Variants in ASB15 observed in about 807,000 individuals in gnomAD.
ASB15 encodes the protein ankyrin repeat and SOCS box containing 15.
A neutral mutation model predicts 58.0 loss-of-function variants in ASB15; 54 were observed. The observed-to-expected ratio is 0.93, with a 90% confidence interval of 0.75 to 1.17. The LOEUF is 1.17. Ranked by LOEUF, ASB15 falls within the 50% of genes most tolerant of loss-of-function variation. The pLI, the probability that ASB15 is intolerant of heterozygous loss-of-function variation, is 0.00. For synonymous variants in ASB15, 249 were observed against 262.4 expected (o/e 0.95, Z 0.50); for missense variants, 680 against 707.4 (o/e 0.96, Z 0.44).
intron 1 of ASB15, among the ~76,000 whole-genome samples, chr7:123,572,289 G>A (rs1354796846): frequency 6.6e-6 from 1 of 151,168 alleles, no homozygotes; most frequent in African/African-American, 2.4e-5. Flanking sequence ...CTGTAGGCAC[G>A]CGCCACCATG....
rs1255599182 is a variant in ASB15 at position 123,636,944 on chromosome 7, A to G, written c.1730A>G (p.Glu577Gly). ...PAIQRYILFK[E>G]YDLYGQELKL... ...ATTCAAAGATACATATTATTTAAAGAGTATGATCTCTATGGACAAGAGCTA... is the reference window on the plus strand; with the variant it reads ...ATTCAAAGATACATATTATTTAAAGGGTATGATCTCTATGGACAAGAGCTA... Residue 577 changes from glutamate (E) to glycine (G), a missense_variant, in exon 12 of 12, where the codon GAG (glutamate) becomes GGG (glycine). Coordinates refer to ENST00000451215, the MANE Select transcript of ASB15 (RefSeq NM_001290258.2). 2 of 1,578,732 alleles carry G rather than the reference A, an allele frequency of 1.3e-6. No homozygotes were observed. The highest frequency in any genetic ancestry group is 1.7e-5 in the Admixed American group (1 of 59,556).
intron 11 of ASB15, among the ~76,000 whole-genome samples, chr7:123,631,968 C>G (rs1802142206): frequency 6.6e-6 from 1 of 151,868 alleles, no homozygotes; most frequent in South Asian, 2.1e-4. Flanking sequence ...ATCCCAGCTA[C>G]TCAGGAGGCT....
chr7:123,585,947 A>G (rs904979674), intron 1 of ASB15, among the ~76,000 whole-genome samples: 1 of 151,756 alleles, frequency 6.6e-6, no homozygotes, highest in Admixed American at 6.6e-5. Flanking sequence ...CATGATAAAT[A>G]TATATTACAT....
intron 8 of ASB15, among the ~76,000 whole-genome samples, chr7:123,625,266 A>G (rs1042420739): frequency 6.6e-6 from 1 of 152,122 alleles, no homozygotes; most frequent in African/African-American, 2.4e-5. Flanking sequence ...TCTCATTGCA[A>G]TCCATCTGCC....
Position 123,637,099 on chromosome 7 carries a change from A to G in ASB15, c.*118A>G. On this transcript the variant is annotated 3_prime_UTR_variant, in exon 12 of 12. Coordinates refer to ENST00000451215, the MANE Select transcript of ASB15 (RefSeq NM_001290258.2). Reference sequence around the variant, plus strand: ...TGTATTTAAATTCATTGACAGTTTTATAGGTTATCATGTGTTCTTATGGGA... The same window carrying G: ...TGTATTTAAATTCATTGACAGTTTTGTAGGTTATCATGTGTTCTTATGGGA... 1.4e-6 allele frequency: 1 copy of G among 702,688 alleles called. No homozygotes were observed. The highest frequency in any genetic ancestry group is 2.3e-6 in the Non-Finnish European group (1 of 432,750). 43.5% of individuals were successfully genotyped at this position (702,688 alleles called of 1,614,324 possible).
chr7:123,569,422 T>C (rs963474489), intron 1 of ASB15, among the ~76,000 whole-genome samples: 2 of 152,158 alleles, frequency 1.3e-5, no homozygotes, highest in African/African-American at 4.8e-5. Flanking sequence ...GCCAACATAA[T>C]ATTTAAAAAG....
chr7:123,607,801 A>G (rs80150366), intron 2 of ASB15, among the ~76,000 whole-genome samples: 3,067 of 152,304 alleles, frequency 0.02, 56 homozygotes, highest in Admixed American at 0.027. Flanking sequence ...TCCTAGACAT[A>G]GAATTACAGA....
intron 2 of ASB15, among the ~76,000 whole-genome samples, chr7:123,607,976 C>T (rs553740629): frequency 6.6e-6 from 1 of 152,272 alleles, no homozygotes; most frequent in African/African-American, 2.4e-5. Context: ...AAAGCTCCTT[C>T]CTAAACTGTT....
At chr7:123,633,737 ATTTCCTAACAAAAG>A (rs1802261679) in intron 11 of ASB15, among the ~76,000 whole-genome samples, 1 of 152,192 alleles carries the variant, frequency 6.6e-6, no homozygotes, top group African/African-American at 2.4e-5. Context: ...TGGAAATGCC[ATTTCCTAACAAAAG>A]AAACCAGGGT....
chr7:123,602,691 T>C (rs1044140854), intron 1 of ASB15, among the ~76,000 whole-genome samples: 1 of 152,236 alleles, frequency 6.6e-6, no homozygotes, highest in African/African-American at 2.4e-5. Flanking sequence ...CCTACAAGTT[T>C]TATATTTCCC....
At chr7:123,569,406 A>G (rs1338463484) in intron 1 of ASB15, among the ~76,000 whole-genome samples, 1 of 152,242 alleles carries the variant, frequency 6.6e-6, no homozygotes, top group Non-Finnish European at 1.5e-5. Flanking sequence ...AGGGCCCAAA[A>G]AAAAGGCCAA....
At chr7:123,575,351 A>G (rs374224906) in intron 1 of ASB15, among the ~76,000 whole-genome samples, 1 of 152,000 alleles carries the variant, frequency 6.6e-6, no homozygotes, top group Non-Finnish European at 1.5e-5. Flanking sequence ...TTGCTTTCAT[A>G]TGTTAAATAT....
chr7:123,602,462 ATC>A (rs1799930559), intron 1 of ASB15, among the ~76,000 whole-genome samples: 1 of 152,098 alleles, frequency 6.6e-6, no homozygotes, highest in Admixed American at 6.6e-5. Flanking sequence ...CTTAAAATTT[ATC>A]TGATATCGTC....
chr7:123,575,488 A>G (rs1215990248), intron 1 of ASB15, among the ~76,000 whole-genome samples: 1 of 152,064 alleles, frequency 6.6e-6, no homozygotes, highest in Non-Finnish European at 1.5e-5. Context: ...TAATTGTATC[A>G]CTTCTGTATT....
At chr7:123,585,887 T>C (rs984275642) in intron 1 of ASB15, among the ~76,000 whole-genome samples, 2 of 151,852 alleles carry the variant, frequency 1.3e-5, no homozygotes, top group African/African-American at 4.8e-5. Context: ...GTTTCATTCA[T>C]GTTGTCACGA....
At chr7:123,585,406 A>G (rs1326080017) in intron 1 of ASB15, among the ~76,000 whole-genome samples, 1 of 151,778 alleles carries the variant, frequency 6.6e-6, no homozygotes, top group Non-Finnish European at 1.5e-5. Flanking sequence ...GACACATTAC[A>G]TGTAGGAATG....
chr7:123,603,880 T>C (rs1482684848), intron 1 of ASB15, among the ~76,000 whole-genome samples, 152 bp from the exon 2 acceptor site: 1 of 152,224 alleles, frequency 6.6e-6, no homozygotes, highest in Non-Finnish European at 1.5e-5. Flanking sequence ...TAAATATTTA[T>C]CTGAACTTGG....
At chr7:123,579,355 A>G (rs1409927312) in intron 1 of ASB15, among the ~76,000 whole-genome samples, 1 of 152,094 alleles carries the variant, frequency 6.6e-6, no homozygotes, top group Non-Finnish European at 1.5e-5. Flanking sequence ...AGGATCTTAG[A>G]TTTACATTTT....
At chr7:123,600,647 G>T (rs77040681), upstream of ASB15, among the ~76,000 whole-genome samples, 2,082 of 152,186 alleles carry the variant, frequency 0.014, 25 homozygotes, top group Non-Finnish European at 0.022. Context: ...CTTGACTATT[G>T]CAATACACAG....
Sources: gnomAD v4.1 joint callset for allele counts (sites outside exome capture counted in the v4.1 genomes callset) on GRCh38, gnomAD v4.1.1 for gene constraint, MANE v1.5 for transcripts, NCBI Gene and HGNC (gene_info 2026-07-23, HGNC 2026-07-21) for gene names.